The following JAZF1 variants were observed in gnomAD, a reference collection of about 807,000 sequenced individuals.
The protein encoded by JAZF1 is JAZF zinc finger 1.
JAZF1 carries 8 observed loss-of-function variants against 26.4 expected under a neutral mutation model. The ratio of observed to expected loss-of-function variants is 0.30; its 90% confidence interval spans 0.18 to 0.55. JAZF1 has a LOEUF of 0.55. Ranked by LOEUF, JAZF1 falls within the 20% of genes least tolerant of loss-of-function variation. The pLI, the probability that JAZF1 is intolerant of heterozygous loss-of-function variation, is 0.94. For missense variants in JAZF1, 199 were observed against 322.0 expected (o/e 0.62, Z 2.92); for synonymous variants, 126 against 122.3 (o/e 1.03, Z -0.20).
At position 28,180,582 on chromosome 7, in the gene JAZF1, C is replaced by G. The variant is rs375242713; in HGVS notation, c.-5G>C. The stretch of plus-strand genomic sequence containing the variant: ...GGCGGCGGCGATGCCTGTCATGGTG[C>G]TACATCGAGAGCCCCCCTGGTGTCG... On this transcript the variant is annotated 5_prime_UTR_variant, in exon 1 of 5. It removes the in-frame stop codon of an upstream open reading frame in the 5' UTR. Transcript: ENST00000283928. 6.3e-7 allele frequency: 1 copy of G among 1,596,260 alleles called. No homozygotes were observed. The highest frequency in any genetic ancestry group is 1.1e-5 in the South Asian group (1 of 90,290).
intron 3 of JAZF1, among the ~76,000 whole-genome samples, chr7:27,847,239 C>T (rs1783049000): frequency 6.6e-6 from 1 of 151,786 alleles, no homozygotes; most frequent in African/African-American, 2.4e-5. Flanking sequence ...ATCCACCCAC[C>T]TCAGCATCCC....
At chr7:27,878,397 C>T (rs955884650) in intron 3 of JAZF1, among the ~76,000 whole-genome samples, 4 of 151,684 alleles carry the variant, frequency 2.6e-5, no homozygotes. Flanking sequence ...CACCCCATTT[C>T]CCCAGGTAAT....
chr7:27,919,706 A>G (rs1326873692), intron 2 of JAZF1, among the ~76,000 whole-genome samples: 1 of 152,208 alleles, frequency 6.6e-6, no homozygotes. Context: ...GTTTTGTGCT[A>G]TTTGACTACA....
At chr7:27,990,889 C>T in intron 2 of JAZF1, among the ~76,000 whole-genome samples, 1 of 152,138 alleles carries the variant, frequency 6.6e-6, no homozygotes, top group South Asian at 2.1e-4. Flanking sequence ...CATCTCACTT[C>T]TTGGGAAGGC....
Position 28,008,830 on chromosome 7 carries a change from T to G in JAZF1, c.116-16849A>C, listed in dbSNP as rs559268949. On this transcript the variant is annotated intron_variant, in intron 1 of 4. Coordinates refer to ENST00000283928, the MANE Select transcript of JAZF1 (RefSeq NM_175061.4). ...GAGATAGAAAACCTTTTGGCTAGCT[T>G]TAAGCTGAGTTTATTAAAAGCCATT... Among the ~76,000 whole-genome samples the G allele has an allele frequency of 8.8e-4, 134 of 152,354 alleles. No homozygotes were observed. The South Asian group carries it at 0.011, about 13-fold the overall frequency.
intron 1 of JAZF1, among the ~76,000 whole-genome samples, chr7:28,030,242 G>C (rs1419965591): frequency 6.6e-6 from 1 of 152,206 alleles, no homozygotes; most frequent in Non-Finnish European, 1.5e-5. Context: ...GTTTAGGGAA[G>C]TTTTATAGGC....
chr7:28,072,776 CTTTG>C (rs2127911229), intron 1 of JAZF1, among the ~76,000 whole-genome samples: 1 of 152,186 alleles, frequency 6.6e-6, no homozygotes, highest in African/African-American at 2.4e-5. Flanking sequence ...GTTTACCTTT[CTTTG>C]TATCATTTAA....
At chr7:27,904,932 T>A (rs1784225713) in intron 2 of JAZF1, among the ~76,000 whole-genome samples, 1 of 152,050 alleles carries the variant, frequency 6.6e-6, no homozygotes, top group Non-Finnish European at 1.5e-5. Flanking sequence ...AGACGTTATT[T>A]TCTCTCTCCT....
At chr7:28,039,668 C>T (rs1362591243) in intron 1 of JAZF1, among the ~76,000 whole-genome samples, 1 of 152,098 alleles carries the variant, frequency 6.6e-6, no homozygotes, top group Admixed American at 6.6e-5. Context: ...TTGGAATTAT[C>T]GCATAACTAA....
At chr7:27,958,228 T>C (rs1430011192) in intron 2 of JAZF1, among the ~76,000 whole-genome samples, 4 of 152,254 alleles carry the variant, frequency 2.6e-5, no homozygotes, top group African/African-American at 7.2e-5. Flanking sequence ...TCTTAAAATA[T>C]GCACTTGATG....
chr7:27,974,547 C>T (rs560618074), intron 2 of JAZF1, among the ~76,000 whole-genome samples: 4 of 152,156 alleles, frequency 2.6e-5, no homozygotes, highest in South Asian at 4.2e-4. Context: ...AGGGTCCAGC[C>T]GAGGTTGGAA....
intron 2 of JAZF1, among the ~76,000 whole-genome samples, chr7:27,943,699 G>C (rs1301181327): frequency 1.3e-5 from 2 of 152,228 alleles, no homozygotes; most frequent in Middle Eastern, 3.4e-3. Flanking sequence ...ATGAGCATTC[G>C]CTGCTTTCCC....
intron 1 of JAZF1, among the ~76,000 whole-genome samples, chr7:28,080,521 C>A (rs1784118414): frequency 6.6e-6 from 1 of 152,216 alleles, no homozygotes; most frequent in Admixed American, 6.5e-5. Flanking sequence ...AACATGCCTT[C>A]CTCACTAAGC....
intron 1 of JAZF1, among the ~76,000 whole-genome samples, chr7:28,036,783 G>A (rs151234002): frequency 6.6e-6 from 1 of 152,242 alleles, no homozygotes; most frequent in African/African-American, 2.4e-5. Context: ...GGGATGTTGG[G>A]GGTGAGGCTG....
intron 1 of JAZF1, among the ~76,000 whole-genome samples, chr7:28,141,292 GA>G (rs1181750120): frequency 5.7e-4 from 87 of 152,174 alleles, no homozygotes; most frequent in Non-Finnish European, 1.5e-5. Context: ...AAGGTTTAAG[GA>G]AAGGATTTTT....
At chr7:28,089,681 TGTC>T (rs1784263678) in intron 1 of JAZF1, among the ~76,000 whole-genome samples, 1 of 152,178 alleles carries the variant, frequency 6.6e-6, no homozygotes, top group Admixed American at 6.5e-5. Context: ...CTGTTCAGAA[TGTC>T]GTAGAAATAG....
intron 1 of JAZF1, among the ~76,000 whole-genome samples, chr7:28,170,278 T>A (rs190604661): frequency 1.3e-5 from 2 of 151,640 alleles, no homozygotes; most frequent in Admixed American, 6.6e-5. Context: ...TAAAATAAAG[T>A]ACCTGAACAT....
intron 1 of JAZF1, chr7:28,020,722 C>A: frequency 2.1e-6 from 1 of 471,062 alleles, no homozygotes; most frequent in Middle Eastern, 3.2e-4. Context: ...TTTGTCCCTC[C>A]CAACTGCATC....
chr7:28,144,206 A>C (rs1266913262), intron 1 of JAZF1, among the ~76,000 whole-genome samples: 1 of 152,250 alleles, frequency 6.6e-6, no homozygotes, highest in Non-Finnish European at 1.5e-5. Context: ...GTCACACAGC[A>C]TATCAGCTTC....
Sources: allele counts gnomAD v4.1 joint callset (sites outside exome capture counted in the v4.1 genomes callset), GRCh38; gene constraint gnomAD v4.1.1; transcripts MANE v1.5; gene names NCBI Gene and HGNC (gene_info 2026-07-23, HGNC 2026-07-21).